The following MAD1L1 variants were observed in gnomAD, a reference collection of about 807,000 sequenced individuals.
The protein encoded by MAD1L1 is mitotic spindle assembly checkpoint protein MAD1.
Under a neutral mutation model 96.9 loss-of-function variants are expected in MAD1L1, and 95 were observed. The ratio of observed to expected loss-of-function variants is 0.98; its 90% CI spans 0.83 to 1.16. MAD1L1 has a LOEUF of 1.16. Among genes scored for constraint, MAD1L1 ranks in the 50% most tolerant of loss-of-function variants. The probability of loss-of-function intolerance (pLI) is 0.00; values close to 1 mark genes in which losing one functional copy is unlikely to be tolerated. For synonymous variants in MAD1L1, 473 were observed against 396.6 expected (o/e 1.19, Z -2.29); for missense variants, 1,007 against 954.4 (o/e 1.06, Z -0.73).
rs1787712276 is a variant in MAD1L1, at chr7:2,116,578, G to GA, written c.1073+32573_1073+32574insT. Among the ~76,000 whole-genome samples the GA allele has an allele frequency of 4.6e-5, 7 of 150,742 alleles. No homozygotes were observed. The South Asian group carries it at 1.5e-3, about 32-fold the overall frequency. On this transcript the variant is annotated intron_variant, in intron 11 of 18. Transcript: ENST00000265854. ...GCAGGCCAGAGGGTTGGGGGGGGGG[G>GA]GGGCTCCTGTGTGTACACAGGGCTG...
At chr7:1,910,911 G>A (rs1476676826) in intron 17 of MAD1L1, among the ~76,000 whole-genome samples, 2 of 152,206 alleles carry the variant, frequency 1.3e-5, no homozygotes, top group Admixed American at 1.3e-4. Context: ...CCAGCATGGC[G>A]ATGTGGGGCC....
intron 6 of MAD1L1, among the ~76,000 whole-genome samples, 163 bp downstream of exon 6, chr7:2,219,169 G>A (rs1237336162): frequency 6.6e-6 from 1 of 152,132 alleles, no homozygotes; most frequent in African/African-American, 2.4e-5. Flanking sequence ...CTGGGCTCAC[G>A]GTCCTGGCTC....
intron 17 of MAD1L1, among the ~76,000 whole-genome samples, chr7:1,908,112 C>T (rs753240262): frequency 7.9e-5 from 12 of 152,336 alleles, no homozygotes; most frequent in Non-Finnish European, 1.5e-4. Flanking sequence ...GGCACAGCAC[C>T]TTTCCCAGCT....
intron 17 of MAD1L1, among the ~76,000 whole-genome samples, chr7:1,935,466 C>G (rs1778542617): frequency 6.6e-6 from 1 of 152,216 alleles, no homozygotes; most frequent in Non-Finnish European, 1.5e-5. Flanking sequence ...GCTAGCCAGC[C>G]ACTAAGCCCC....
intron 15 of MAD1L1, among the ~76,000 whole-genome samples, chr7:1,958,343 C>G (rs1779814441): frequency 6.6e-6 from 1 of 152,160 alleles, no homozygotes; most frequent in African/African-American, 2.4e-5. Context: ...AAAAAGCTGT[C>G]TAGTTTTGTC....
chr7:2,014,675 G>A lies in MAD1L1; in HGVS notation c.1219-33C>T, dbSNP rs541635462. 147 of 1,575,736 alleles carry A rather than the reference G, an allele frequency of 9.3e-5. 1 individual carries two copies. Among genetic ancestry groups the A allele is most frequent in the South Asian group, 8.7e-4 (76 of 87,014 alleles). Reference sequence around the variant, plus strand: ...CACAGAGGGCAGCTGATCAGGACCCGGGACGGGGGATGAGGTAATGATGGA... The same window carrying A: ...CACAGAGGGCAGCTGATCAGGACCCAGGACGGGGGATGAGGTAATGATGGA... On this transcript the variant is annotated intron_variant, in intron 12 of 18. Transcript: ENST00000265854.
intron 12 of MAD1L1, among the ~76,000 whole-genome samples, chr7:2,053,304 G>C (rs894632208): frequency 6.6e-6 from 1 of 152,162 alleles, no homozygotes; most frequent in Non-Finnish European, 1.5e-5. Context: ...CCTCCGGGCG[G>C]GGGCAGAGCA....
At chr7:1,882,950 G>C (rs1348099213) in intron 18 of MAD1L1, among the ~76,000 whole-genome samples, 4 of 131,282 alleles carry the variant, frequency 3.0e-5, no homozygotes, top group East Asian at 4.6e-4. Context: ...ACCAAACCTG[G>C]TGTCACAAAC....
chr7:2,031,944 C>T (rs1783246200), intron 12 of MAD1L1, among the ~76,000 whole-genome samples: 1 of 152,262 alleles, frequency 6.6e-6, no homozygotes, highest in Admixed American at 6.5e-5. Flanking sequence ...TCTAGGCCTC[C>T]AGCGTTCCTA....
At chr7:1,862,797 A>C (rs1167776476) in intron 18 of MAD1L1, among the ~76,000 whole-genome samples, 2 of 152,248 alleles carry the variant, frequency 1.3e-5, no homozygotes, top group African/African-American at 2.4e-5. Context: ...CTATAAATAG[A>C]GTGACGATGA....
intron 18 of MAD1L1, among the ~76,000 whole-genome samples, chr7:1,893,361 G>C (rs1786667493): frequency 6.6e-6 from 1 of 152,206 alleles, no homozygotes; most frequent in Admixed American, 6.5e-5. Flanking sequence ...CACATCTGTG[G>C]AACCCGCTTG....
chr7:2,181,500 C>G (rs1229809716), intron 10 of MAD1L1, among the ~76,000 whole-genome samples: 1 of 152,206 alleles, frequency 6.6e-6, no homozygotes, highest in Non-Finnish European at 1.5e-5. Context: ...CCACCTTAAT[C>G]CTGCCAGAAT....
chr7:2,111,307 C>T (rs897267451), intron 11 of MAD1L1, among the ~76,000 whole-genome samples: 1 of 152,216 alleles, frequency 6.6e-6, no homozygotes, highest in African/African-American at 2.4e-5. Flanking sequence ...CACCTCTGCA[C>T]GCTGGCTGCC....
intron 18 of MAD1L1, among the ~76,000 whole-genome samples, chr7:1,836,176 C>T (rs1028235866): frequency 6.6e-6 from 1 of 152,126 alleles, no homozygotes; most frequent in African/African-American, 2.4e-5. Flanking sequence ...CATGCACCAC[C>T]GTGCCCGGCT....
intron 18 of MAD1L1, among the ~76,000 whole-genome samples, chr7:1,871,677 A>G (rs1785112679): frequency 6.7e-6 from 1 of 150,048 alleles, no homozygotes; most frequent in African/African-American, 2.5e-5. Context: ...TACGCCTGCC[A>G]CGCTGAACCC....
rs1370783590 is a variant in MAD1L1, at chr7:1,990,557, CAG to C, written c.1417-10018_1417-10017del. ...CCTGAGCTGGGAAATGCTTTCTCCT[CAG>C]AAAAAAACAGCCCAGCCGGAGGGCA... On this transcript the variant is annotated intron_variant, in intron 14 of 18. Coordinates refer to ENST00000265854, the MANE Select transcript of MAD1L1 (RefSeq NM_001013836.2). Among the ~76,000 whole-genome samples, 26 of 152,340 alleles carry C rather than the reference CAG, an allele frequency of 1.7e-4. 1 individual carries two copies. The East Asian group carries it at 4.2e-3, about 25-fold the overall frequency.
intron 17 of MAD1L1, among the ~76,000 whole-genome samples, chr7:1,921,214 C>A (rs886164746): frequency 2.0e-5 from 3 of 152,222 alleles, no homozygotes; most frequent in Non-Finnish European, 4.4e-5. Flanking sequence ...CAGACACAGA[C>A]GCTGGAAAGC....
chr7:2,051,826 T>A (rs2128518180), intron 12 of MAD1L1, among the ~76,000 whole-genome samples: 1 of 131,686 alleles, frequency 7.6e-6, no homozygotes, highest in East Asian at 2.6e-4. Flanking sequence ...CCCCACCAGC[T>A]GCCTGGGGCC....
At chr7:1,898,155 GAC>G (rs1011168016) in intron 18 of MAD1L1, 43 bp downstream of exon 18, 2 of 1,549,264 alleles carry the variant, frequency 1.3e-6, no homozygotes, top group African/African-American at 2.7e-5. Flanking sequence ...CACAGGAGGA[GAC>G]AGAGAGCGAG....
Sources: allele counts gnomAD v4.1 joint callset (sites outside exome capture counted in the v4.1 genomes callset), GRCh38; gene constraint gnomAD v4.1.1; transcripts MANE v1.5; gene names NCBI Gene and HGNC (gene_info 2026-07-23, HGNC 2026-07-21).